The following NCK1 variants were observed in gnomAD, a reference collection of about 807,000 sequenced individuals.
NCK1 encodes the protein SH2/SH3 adapter protein NCK1.
In NCK1, 19 loss-of-function variants were observed where a neutral mutation model predicts 36.6. The observed-to-expected ratio is 0.52, with a 90% CI of 0.36 to 0.76. NCK1 has a LOEUF of 0.76. Ranked by LOEUF, NCK1 falls within the 30% of genes least tolerant of loss-of-function variation. NCK1 has a pLI of 0.00. For missense variants in NCK1, 358 were observed against 445.6 expected (o/e 0.80, Z 1.77); for synonymous variants, 165 against 156.0 (o/e 1.06, Z -0.43).
chr3:136,941,469 C>T (rs1321410917), intron 2 of NCK1, among the ~76,000 whole-genome samples: 4 of 152,054 alleles, frequency 2.6e-5, no homozygotes, highest in Non-Finnish European at 4.4e-5. Flanking sequence ...CTTCTTGTTT[C>T]TCTTTCTGTA....
chr3:136,884,586 G>A (rs1364103694), intron 1 of NCK1, among the ~76,000 whole-genome samples: 2 of 152,028 alleles, frequency 1.3e-5, no homozygotes, highest in Admixed American at 6.6e-5. Context: ...GATTAGAGGC[G>A]TGTGGCACTA....
chr3:136,862,446 C>T (rs994935439), intron 1 of NCK1, 93 bp downstream of exon 1: 1 of 152,536 alleles, frequency 6.6e-6, no homozygotes, highest in Non-Finnish European at 1.5e-5. Flanking sequence ...GTCGCTTCCT[C>T]TTCTCGCGCT....
chr3:136,935,618 C>T (rs892964990), intron 2 of NCK1, among the ~76,000 whole-genome samples: 27 of 151,856 alleles, frequency 1.8e-4, no homozygotes, highest in Non-Finnish European at 8.8e-5. Flanking sequence ...ACATAATAGG[C>T]CTGAAGAAGA....
At chr3:136,869,260 T>G (rs1460281370) in intron 1 of NCK1, among the ~76,000 whole-genome samples, 1 of 149,968 alleles carries the variant, frequency 6.7e-6, no homozygotes. Context: ...AAATTTTATT[T>G]GTTCCGCTAG....
intron 2 of NCK1, among the ~76,000 whole-genome samples, chr3:136,940,993 T>C (rs1390233936): frequency 3.3e-5 from 5 of 152,200 alleles, no homozygotes; most frequent in Non-Finnish European, 4.4e-5. Context: ...CATCATGTTA[T>C]TTTTAATCTA....
intron 1 of NCK1, among the ~76,000 whole-genome samples, chr3:136,869,162 C>T (rs1290528523): frequency 4.6e-5 from 7 of 152,002 alleles, no homozygotes; most frequent in African/African-American, 1.7e-4. Flanking sequence ...ATGGCTTGAA[C>T]CCCAGAGGCA....
chr3:136,881,190 C>T (rs1010816426), intron 1 of NCK1, among the ~76,000 whole-genome samples: 1 of 151,966 alleles, frequency 6.6e-6, no homozygotes, highest in Admixed American at 6.6e-5. Flanking sequence ...AAGCAGCCAT[C>T]ATCTCTTCAC....
At chr3:136,895,367 A>C (rs902648331) in intron 1 of NCK1, among the ~76,000 whole-genome samples, 4 of 151,888 alleles carry the variant, frequency 2.6e-5, no homozygotes, top group Non-Finnish European at 5.9e-5. Flanking sequence ...TTGCAATAAA[A>C]TTGTTTTGTC....
intron 1 of NCK1, among the ~76,000 whole-genome samples, chr3:136,893,198 A>ACACACACACACACACACACCATATT (rs1347213828): frequency 2.0e-4 from 27 of 132,156 alleles, no homozygotes; most frequent in South Asian, 5.1e-4. Context: ...ATATACACAC[A>ACACACACACACACACACACCATATT]TGTGCAAGTA....
At chr3:136,916,451 T>C (rs145150020) in intron 1 of NCK1, among the ~76,000 whole-genome samples, 3,539 of 152,112 alleles carry the variant, frequency 0.023, 69 homozygotes, top group Non-Finnish European at 0.036. Flanking sequence ...CCCAAACACC[T>C]CCCATTAGGC....
At chr3:136,947,814 T>C (rs1317205238) in intron 3 of NCK1, among the ~76,000 whole-genome samples, 1 of 152,164 alleles carries the variant, frequency 6.6e-6, no homozygotes, top group Non-Finnish European at 1.5e-5. Flanking sequence ...TTTTGGGAAT[T>C]CAGCATGTTA....
At chr3:136,927,360 G>A (rs1274699751) in intron 1 of NCK1, among the ~76,000 whole-genome samples, 1 of 152,188 alleles carries the variant, frequency 6.6e-6, no homozygotes, top group Non-Finnish European at 1.5e-5. Flanking sequence ...TTGTGGTTCT[G>A]TCAACATATT....
At chr3:136,946,417 C>A in intron 3 of NCK1, 122 bp downstream of exon 3, 1 of 781,872 alleles carries the variant, frequency 1.3e-6, no homozygotes, top group East Asian at 2.6e-5. Context: ...TGGGACGTAA[C>A]ATAAGCATAA....
At chr3:136,915,584 A>G (rs540288436) in intron 1 of NCK1, among the ~76,000 whole-genome samples, 1 of 152,202 alleles carries the variant, frequency 6.6e-6, no homozygotes, top group Non-Finnish European at 1.5e-5. Flanking sequence ...GTCTGCTCTC[A>G]CGTTGCTATA....
chr3:136,864,526 G>A (rs1376090485), intron 1 of NCK1, among the ~76,000 whole-genome samples: 2 of 151,110 alleles, frequency 1.3e-5, no homozygotes, highest in African/African-American at 2.4e-5. Context: ...AAAAACCTAT[G>A]TGTAATGTTT....
intron 1 of NCK1, chr3:136,900,138 C>T (rs1939505414): frequency 3.1e-6 from 1 of 324,158 alleles, no homozygotes; most frequent in South Asian, 3.7e-5. Flanking sequence ...GTGGTGGTTT[C>T]AGTTCCCACC....
At chr3:136,887,975 G>T (rs1337357575) in intron 1 of NCK1, among the ~76,000 whole-genome samples, 12 of 135,920 alleles carry the variant, frequency 8.8e-5, no homozygotes, top group African/African-American at 3.0e-4. Context: ...ATGGAGTCTT[G>T]CTCTTGTCGC....
intron 1 of NCK1, among the ~76,000 whole-genome samples, chr3:136,904,431 G>T (rs1487547580): frequency 6.6e-6 from 1 of 152,158 alleles, no homozygotes; most frequent in Non-Finnish European, 1.5e-5. Context: ...AGGATTACAG[G>T]CGTGAGCCAC....
chr3:136,945,572 A>G lies in NCK1; in HGVS notation c.227-11A>G, dbSNP rs777928916. Reference sequence around the variant, plus strand: ...ATATTCTCCTCTCATGGCCCTTTTTAATTTCAACAGGCATTGGAAAAGTGA... The same window carrying G: ...ATATTCTCCTCTCATGGCCCTTTTTGATTTCAACAGGCATTGGAAAAGTGA... On this transcript the variant is annotated splice_polypyrimidine_tract_variant and intron_variant, in intron 2 of 3. Coordinates refer to ENST00000481752, the MANE Select transcript of NCK1 (RefSeq NM_001291999.2). 1 of 1,555,578 alleles carries G rather than the reference A, an allele frequency of 6.4e-7. No individual in the cohort carries two copies. The highest frequency in any genetic ancestry group is 8.7e-7 in the Non-Finnish European group (1 of 1,143,264).
Sources: allele counts gnomAD v4.1 joint callset (sites outside exome capture counted in the v4.1 genomes callset), GRCh38; gene constraint gnomAD v4.1.1; transcripts MANE v1.5; gene names NCBI Gene and HGNC (gene_info 2026-07-23, HGNC 2026-07-21).